PAM: variants seen among roughly 807,000 people sequenced by gnomAD.
The protein encoded by PAM is peptidyl-glycine alpha-amidating monooxygenase.
A neutral mutation model predicts 122.1 loss-of-function variants in PAM; 72 were observed. That is an observed-to-expected ratio of 0.59 (90% confidence interval 0.49 to 0.72). PAM has a LOEUF of 0.72. PAM is among the 30% of genes least tolerant of loss of function. The pLI is 0.00. For missense variants in PAM, 1,106 were observed against 1,183.7 expected (o/e 0.93, Z 0.96); for synonymous variants, 389 against 404.4 (o/e 0.96, Z 0.46).
intron 16 of PAM, among the ~76,000 whole-genome samples, chr5:102,992,299 T>A (rs1182979361): frequency 1.3e-5 from 2 of 152,150 alleles, no homozygotes; most frequent in Non-Finnish European, 2.9e-5. Flanking sequence ...ACTCACTAAA[T>A]CTCTGTTTCC....
chr5:102,819,048 C>G (rs1770845457), intron 1 of PAM, among the ~76,000 whole-genome samples: 1 of 152,122 alleles, frequency 6.6e-6, no homozygotes, highest in Non-Finnish European at 1.5e-5. Context: ...AATAACTGAG[C>G]TGGGAGGATA....
At chr5:103,002,941 T>C in intron 16 of PAM, 92 bp from the exon 17 acceptor site, 1 of 700,220 alleles carries the variant, frequency 1.4e-6, no homozygotes, top group Admixed American at 2.2e-5. Context: ...ATTTGAGCTC[T>C]TTTGATTTTG....
At chr5:102,960,725 A>G (rs1255338867) in intron 13 of PAM, among the ~76,000 whole-genome samples, 1 of 151,658 alleles carries the variant, frequency 6.6e-6, no homozygotes, top group Admixed American at 6.6e-5. Context: ...GCAGCTTCTT[A>G]TTTCTTTCTA....
At position 102,990,798 on chromosome 5, in the gene PAM, G is replaced by A. The variant is rs201703937; in HGVS notation, c.1613+397G>A. Reference sequence around the variant, plus strand: ...AAGGTTGCTGATGGACTATAACAACGCACTTTTGTTATTTTCACATCCTGG... The same window carrying A: ...AAGGTTGCTGATGGACTATAACAACACACTTTTGTTATTTTCACATCCTGG... On this transcript the variant is annotated intron_variant, in intron 16 of 25. Transcript: ENST00000438793. Among the ~76,000 whole-genome samples, 46 of 152,252 alleles carry A rather than the reference G, an allele frequency of 3.0e-4. 1 individual carries two copies. In the East Asian group the frequency reaches 8.3e-3, roughly 27 times the overall value.
At chr5:102,958,946 G>C (rs1182230471) in intron 12 of PAM, among the ~76,000 whole-genome samples, 1 of 152,004 alleles carries the variant, frequency 6.6e-6, no homozygotes, top group African/African-American at 2.4e-5. Flanking sequence ...AAATGGACAT[G>C]TTCCTTTGCC....
chr5:102,888,561 A>T (rs1054359487), intron 3 of PAM, among the ~76,000 whole-genome samples: 1 of 151,504 alleles, frequency 6.6e-6, no homozygotes, highest in African/African-American at 2.4e-5. Context: ...CTTTCTCAGA[A>T]CTCCCTAAAA....
chr5:102,924,951 C>T lies in PAM; in HGVS notation c.357-6C>T. On this transcript the variant is annotated splice_region_variant and splice_polypyrimidine_tract_variant and intron_variant, in intron 5 of 25. Coordinates refer to ENST00000438793, the MANE Select transcript of PAM (RefSeq NM_001177306.2). ...CTTCATTTATACTACTTTTTATTTT[C>T]TTCAGGTTTTGTGATGAAGGAACCT... 7.1e-7 allele frequency: 1 copy of T among 1,416,532 alleles called. No individual in the cohort carries two copies. The highest frequency in any genetic ancestry group is 1.0e-6 in the Non-Finnish European group (1 of 1,000,104). 87.7% of individuals were successfully genotyped at this position (1,416,532 alleles called of 1,614,324 possible).
At chr5:103,027,889 C>T (rs1785421366) in intron 24 of PAM, among the ~76,000 whole-genome samples, 1 of 152,172 alleles carries the variant, frequency 6.6e-6, no homozygotes, top group African/African-American at 2.4e-5. Flanking sequence ...CTCAGCCTTA[C>T]AGACAGGGAT....
rs796530331 is a variant in PAM at position 102,759,430 on chromosome 5, G to A, written c.-374+4082G>A. On this transcript the variant is annotated intron_variant, in intron 1 of 25. Coordinates refer to ENST00000438793, the MANE Select transcript of PAM (RefSeq NM_001177306.2). ...ATAGGTAAGAGCAGGAGGGAGAGGC[G>A]TGGCAATCTGGAGAATCCAAGCTGT... Among the ~76,000 whole-genome samples the A allele has an allele frequency of 4.1e-4, 62 of 152,224 alleles. 1 individual carries two copies. The highest frequency in any genetic ancestry group is 1.4e-3 in the African/African-American group (60 of 41,544).
chr5:103,026,824 G>C (rs1009553887), intron 24 of PAM, among the ~76,000 whole-genome samples: 5 of 152,210 alleles, frequency 3.3e-5, no homozygotes, highest in Non-Finnish European at 7.3e-5. Context: ...AGAGTAGTAG[G>C]AACAGTGGGG....
chr5:102,794,825 G>T (rs1762938550), intron 1 of PAM, among the ~76,000 whole-genome samples: 1 of 152,054 alleles, frequency 6.6e-6, no homozygotes, highest in African/African-American at 2.4e-5. Flanking sequence ...GTTTACTTAG[G>T]TTATTTGGCT....
chr5:102,774,829 A>G (rs1023361141), intron 1 of PAM, among the ~76,000 whole-genome samples: 16 of 152,014 alleles, frequency 1.1e-4, no homozygotes. Context: ...AACATACTTA[A>G]TGTTTTAATT....
chr5:103,027,105 T>G lies in PAM; in HGVS notation c.2690-1080T>G, dbSNP rs181890505. On this transcript the variant is annotated intron_variant, in intron 24 of 25. Coordinates refer to ENST00000438793, the MANE Select transcript of PAM (RefSeq NM_001177306.2). ...TCAGCTTCTCACTTTTTTTCTGAAT[T>G]TGTTCTTGATAGATCTTATCCAGTC... Among the ~76,000 whole-genome samples, 13 of 152,330 alleles carry G rather than the reference T, an allele frequency of 8.5e-5. No homozygotes were observed. In the East Asian group the frequency reaches 2.3e-3, roughly 27 times the overall value.
At chr5:102,886,279 TGAGGTTTTTTTGC>T (rs1793054966) in intron 3 of PAM, among the ~76,000 whole-genome samples, 1 of 152,016 alleles carries the variant, frequency 6.6e-6, no homozygotes, top group Non-Finnish European at 1.5e-5. Flanking sequence ...TTATTGAGAA[TGAGGTTTTTTTGC>T]GAGATAAATT....
intron 1 of PAM, among the ~76,000 whole-genome samples, chr5:102,802,260 T>G (rs1371405657): frequency 6.6e-6 from 1 of 152,236 alleles, no homozygotes; most frequent in African/African-American, 2.4e-5. Flanking sequence ...AGCCATCATG[T>G]ATAATTCCTT....
rs1350303862 is a variant in PAM, at chr5:103,025,270, T to C, written c.2625T>C (p.Ile875=). 6.2e-7 allele frequency: 1 copy of C among 1,613,688 alleles called. No individual in the cohort carries two copies. Among genetic ancestry groups the C allele is most frequent in the Admixed American group, 1.7e-5 (1 of 59,984 alleles). The part of the protein sequence containing the change: ...PVVLITTLLV[I]PVVVLLAIAI... The stretch of plus-strand genomic sequence containing the variant: ...TTCTCATTACAACCCTTCTGGTTAT[T>C]CCGGTGGTTGTCCTGCTGGCCATTG... Residue 875 remains isoleucine, a synonymous_variant, in exon 24 of 26, where the codon ATT becomes ATC. Transcript: ENST00000438793.
intron 25 of PAM, 84 bp downstream of exon 25, chr5:103,028,322 A>G (rs1785589072): frequency 2.0e-6 from 2 of 984,102 alleles, no homozygotes; most frequent in Admixed American, 3.8e-5. Context: ...GAGATATTTC[A>G]TATTTTGTCT....
chr5:102,855,871 C>A (rs1051444866), intron 1 of PAM, among the ~76,000 whole-genome samples: 1 of 152,016 alleles, frequency 6.6e-6, no homozygotes, highest in East Asian at 1.9e-4. Flanking sequence ...CCATTCTATA[C>A]CAACTTCCTC....
chr5:102,851,055 C>T (rs1781244875), intron 1 of PAM, among the ~76,000 whole-genome samples: 1 of 152,122 alleles, frequency 6.6e-6, no homozygotes, highest in African/African-American at 2.4e-5. Context: ...ATTGGGAAAA[C>T]CTAAAACTGA....
Sources: allele counts gnomAD v4.1 joint callset (sites outside exome capture counted in the v4.1 genomes callset), GRCh38; gene constraint gnomAD v4.1.1; transcripts MANE v1.5; gene names NCBI Gene and HGNC (gene_info 2026-07-23, HGNC 2026-07-21).